NBEAL2: variants seen among roughly 807,000 people sequenced by gnomAD.
NBEAL2 encodes the protein neurobeachin like 2.
NBEAL2 carries 160 observed loss-of-function variants against 299.8 expected under a neutral mutation model. The ratio of observed to expected loss-of-function variants is 0.53; its 90% confidence interval spans 0.47 to 0.61. The LOEUF is 0.61. Among genes scored for constraint, NBEAL2 ranks in the 20% least tolerant of loss-of-function variants. The pLI, the probability that NBEAL2 is intolerant of heterozygous loss-of-function variation, is 0.00. For synonymous variants in NBEAL2, 1,493 were observed against 1,542.3 expected (o/e 0.97, Z 0.75); for missense variants, 3,112 against 3,649.0 (o/e 0.85, Z 3.79).
chr3:47,003,169 T>G lies in NBEAL2; in HGVS notation c.5585-5T>G. On this transcript the variant is annotated splice_region_variant and splice_polypyrimidine_tract_variant and intron_variant, in intron 34 of 53. Transcript: ENST00000450053. The surrounding 1 kb of genome is among the most constrained non-coding windows in gnomAD (Gnocchi z 7.0). ...CTTCTGCTGAGTACCCTTGGCCCCT[T>G]GCAGGTGAGGTTCCCCTGACACCCA... The G allele has an allele frequency of 6.2e-7, 1 of 1,604,736 alleles. No homozygotes were observed. Among genetic ancestry groups the G allele is most frequent in the South Asian group, 1.1e-5 (1 of 90,668 alleles).
Position 46,989,104 on chromosome 3 carries a change from G to A in NBEAL2, c.289G>A (p.Ala97Thr). Residue 97 changes from alanine to threonine, a missense_variant, in exon 4 of 54, where the codon GCA becomes ACA. By Grantham distance (58) the Ala-to-Thr change is moderately conservative (BLOSUM62 0). Coordinates refer to ENST00000450053, the MANE Select transcript of NBEAL2 (RefSeq NM_015175.3). The surrounding 1 kb of genome is among the most constrained non-coding windows in gnomAD (Gnocchi z 5.5). ...ILCRNLENIE[A>T]GRGQVLVPRV... The stretch of plus-strand genomic sequence containing the variant: ...CCCCAGGAACCTGGAGAACATAGAG[G>A]CAGGCCGGGGCCAAGTGCTAGTGCC... 1 of 1,613,678 alleles carries A rather than the reference G, an allele frequency of 6.2e-7. No individual in the cohort carries two copies. The highest frequency in any genetic ancestry group is 8.5e-7 in the Non-Finnish European group (1 of 1,179,792).
At chr3:46,998,932 A>T in intron 23 of NBEAL2, 27 bp from the exon 24 acceptor site, 1 of 1,602,808 alleles carries the variant, frequency 6.2e-7, no homozygotes, top group Non-Finnish European at 8.5e-7. Flanking sequence ...TGGGGGCCCG[A>T]CACAGTGTGA....
chr3:46,993,971 A>T lies in NBEAL2; in HGVS notation c.1148A>T (p.His383Leu), dbSNP rs1035209269. The T allele has an allele frequency of 3.1e-6, 5 of 1,611,908 alleles. No individual in the cohort carries two copies. The African/African-American group carries it at 6.7e-5, about 22-fold the overall frequency. The change falls in exon 11 of 54, where the codon CAT becomes CTT. Residue 383 changes from histidine (H) to leucine (L), a missense_variant. This residue lies in a region of NBEAL2 where 2,243 missense variants were observed against 2,538.1 expected (regional missense o/e 0.88). Coordinates refer to ENST00000450053, the MANE Select transcript of NBEAL2 (RefSeq NM_015175.3). ...LDQDTDAIAV[H>L]VVRVLTCIMS... is the part of the protein sequence containing the mutation. ...CAAGACACAGACGCCATTGCAGTCC[A>T]TGTAGTCAGAGTGCTGACCTGCATC... is the stretch of plus-strand genomic sequence containing the variant.
In NBEAL2 at chr3:47,007,441, G is replaced by A. The variant is rs758287482; in HGVS notation, c.7335-84G>A. ...TAATCAGAATGTAGGCCAGCTGCAGGGGAAAGGTCTGGCCAGGCTCCCTGA... is the reference window on the plus strand; with the variant it reads ...TAATCAGAATGTAGGCCAGCTGCAGAGGAAAGGTCTGGCCAGGCTCCCTGA... On this transcript the variant is annotated intron_variant, in intron 47 of 53. Transcript: ENST00000450053. 1.9e-4 allele frequency: 296 copies of A among 1,557,048 alleles called. 1 individual carries two copies. The highest frequency in any genetic ancestry group is 2.7e-4 in the South Asian group (23 of 85,602).
rs950361998 is a variant in NBEAL2, at chr3:46,986,998, A to G, written c.52-1671A>G. On this transcript the variant is annotated intron_variant, in intron 1 of 53. Coordinates refer to ENST00000450053, the MANE Select transcript of NBEAL2 (RefSeq NM_015175.3). ...AGGTCAATAAATGTAACTGACAGAC[A>G]AAATGTCATGGTTGTGTGGGTCTGC... 3.3e-5 allele frequency among the ~76,000 whole-genome samples: 5 copies of G among 152,182 alleles called. No homozygotes were observed. The South Asian group carries it at 1.0e-3, about 31-fold the overall frequency.
chr3:47,007,014 A>G, intron 45 of NBEAL2, 52 bp from the exon 46 acceptor site: 1 of 1,382,826 alleles, frequency 7.2e-7, no homozygotes, highest in Non-Finnish European at 1.0e-6. Context: ...GGGAGCAGAT[A>G]GTGTAATCTG....
In NBEAL2 at chr3:46,991,712, T is replaced by C. The variant is rs1575593163; in HGVS notation, c.925+24T>C. 6.3e-7 allele frequency: 1 copy of C among 1,586,240 alleles called. No homozygotes were observed. ...CGGTGGGTATGGGCTCCCAGGCTCTTGGGGAAGGGGCACCATGAGGGAAAA... is the reference window on the plus strand; with the variant it reads ...CGGTGGGTATGGGCTCCCAGGCTCTCGGGGAAGGGGCACCATGAGGGAAAA... On this transcript the variant is annotated intron_variant, in intron 8 of 53. Transcript: ENST00000450053. This position sits in a 1 kb window ranked among gnomAD's most constrained non-coding sequence, Gnocchi z 6.2.
chr3:46,991,174 C>A lies in NBEAL2; in HGVS notation c.557-45C>A. 3 of 1,524,192 alleles carry A rather than the reference C, an allele frequency of 2.0e-6. No homozygotes were observed. The highest frequency in any genetic ancestry group is 2.7e-6 in the Non-Finnish European group (3 of 1,115,246). 94.4% of individuals were successfully genotyped at this position (1,524,192 alleles called of 1,614,324 possible). A position where few individuals can be genotyped will look rare whatever the true frequency, so the allele number is the denominator to read the frequency against. ...TTGTGCAGCCCCCTGGGTCCATAGC[C>A]CTGCAACCTTGGTGACATTACCCTG... is the stretch of plus-strand genomic sequence containing the variant. On this transcript the variant is annotated intron_variant, in intron 6 of 53. Transcript: ENST00000450053. The surrounding 1 kb of genome is among the most constrained non-coding windows in gnomAD (Gnocchi z 6.2).
chr3:46,992,048 G>A, intron 9 of NBEAL2, 102 bp downstream of exon 9: 1 of 1,086,778 alleles, frequency 9.2e-7, no homozygotes, highest in Non-Finnish European at 1.4e-6. Context: ...GCTGGACAGA[G>A]TCAGTGTTTT....
intron 1 of NBEAL2, among the ~76,000 whole-genome samples, chr3:46,980,798 AG>A (rs947901346): frequency 6.6e-6 from 1 of 152,082 alleles, no homozygotes; most frequent in Non-Finnish European, 1.5e-5. Context: ...CACAGCAGGG[AG>A]GGATCCCAGG....
intron 11 of NBEAL2, among the ~76,000 whole-genome samples, 167 bp from the exon 12 acceptor site, chr3:46,994,288 G>A (rs1054543302): frequency 2.6e-5 from 4 of 152,086 alleles, no homozygotes; most frequent in South Asian, 2.1e-4. Flanking sequence ...ATGTACTCAC[G>A]TCCCCCCCAT....
At chr3:46,996,629 C>A in intron 16 of NBEAL2, 37 bp downstream of exon 16, 2 of 1,441,848 alleles carry the variant, frequency 1.4e-6, no homozygotes, top group East Asian at 2.5e-5. Context: ...CAGCCCCAGG[C>A]CAGAAGCTAG....
chr3:46,994,333 C>T, intron 11 of NBEAL2, 122 bp from the exon 12 acceptor site: 2 of 891,654 alleles, frequency 2.2e-6, no homozygotes, highest in East Asian at 2.6e-5. Flanking sequence ...GCACTGTCAC[C>T]CAGAGGCAGA....
intron 24 of NBEAL2, 77 bp from the exon 25 acceptor site, chr3:46,999,238 A>G: frequency 6.5e-7 from 1 of 1,547,168 alleles, no homozygotes. Flanking sequence ...CTCTTGAGCC[A>G]CACACCTGCA....
Position 47,002,746 on chromosome 3 carries a change from G to T in NBEAL2, c.5403G>T (p.Leu1801=). ...CAACGCAGCACTCCATGGCCCTGCT[G>T]CACTGGGGGGCGCTGTGGCGCCAGC... ...QQATQHSMAL[L]HWGALWRQLA... is the part of the protein sequence containing the mutation. The change falls in exon 33 of 54, where the codon CTG becomes CTT. Residue 1801 remains leucine, a synonymous_variant. Coordinates refer to ENST00000450053, the MANE Select transcript of NBEAL2 (RefSeq NM_015175.3). The T allele has an allele frequency of 6.3e-7, 1 of 1,580,192 alleles. No individual in the cohort carries two copies. Among genetic ancestry groups the T allele is most frequent in the Admixed American group, 1.8e-5 (1 of 55,398 alleles).
In NBEAL2 at chr3:46,987,742, C is replaced by T. The variant is rs920502413; in HGVS notation, c.52-927C>T. 1.1e-4 allele frequency among the ~76,000 whole-genome samples: 17 copies of T among 152,102 alleles called. No homozygotes were observed. The South Asian group carries it at 1.2e-3, about 11-fold the overall frequency. ...TCACCTGGATAAGAGCTCTTCCAGG[C>T]GCCAACCTCATGCTTGTAAAACTAG... On this transcript the variant is annotated intron_variant, in intron 1 of 53. Transcript: ENST00000450053.
At position 47,009,275 on chromosome 3, in the gene NBEAL2, G is replaced by T; in HGVS notation, c.8220G>T (p.Gln2740His). 6.2e-7 allele frequency: 1 copy of T among 1,602,300 alleles called. No individual in the cohort carries two copies. Among genetic ancestry groups the T allele is most frequent in the Non-Finnish European group, 8.5e-7 (1 of 1,175,756 alleles). Residue 2740 changes from glutamine (Q) to histidine (H), a missense_variant, in exon 54 of 54, where the codon CAG (glutamine) becomes CAT (histidine). Gln to His is a conservative substitution (Grantham distance 24). This residue lies in a region of NBEAL2 where 348 missense variants were observed against 381.4 expected (regional missense o/e 0.91). Transcript: ENST00000450053. ...GGCGGTCCTCGCGGCGCATCTCCCA[G>T]GTGTCCTCGGGAGAGACGGAATACA... ...KLWRSSRRISQVSSGETEYNP... is the reference protein window; with the variant it reads ...KLWRSSRRISHVSSGETEYNP...
chr3:46,985,497 A>T (rs1029225882), intron 1 of NBEAL2, among the ~76,000 whole-genome samples: 1 of 152,130 alleles, frequency 6.6e-6, no homozygotes, highest in East Asian at 1.9e-4. Context: ...TGGCAGTTCC[A>T]TGCCCACCCA....
chr3:46,998,354 G>A (rs1428560221), intron 21 of NBEAL2, 109 bp from the exon 22 acceptor site: 41 of 1,509,104 alleles, frequency 2.7e-5, no homozygotes, highest in South Asian at 2.3e-4. Flanking sequence ...GCGGCTGAGG[G>A]GACTATGACC....
Sources: allele counts gnomAD v4.1 joint callset (sites outside exome capture counted in the v4.1 genomes callset), GRCh38; gene constraint gnomAD v4.1.1; regional missense constraint gnomAD v4.1.1; non-coding constraint Gnocchi (gnomAD v3.1); transcripts MANE v1.5; gene names NCBI Gene and HGNC (gene_info 2026-07-23, HGNC 2026-07-21).